The following GABRB1 variants were observed in gnomAD, a reference collection of about 807,000 sequenced individuals.
GABRB1 encodes gamma-aminobutyric acid type A receptor subunit beta1, also known as gamma-aminobutyric acid receptor subunit beta-1.
Under a neutral mutation model 51.6 loss-of-function variants are expected in GABRB1, and 17 were observed. The ratio of observed to expected loss-of-function variants is 0.33; its 90% confidence interval spans 0.23 to 0.49. The LOEUF is 0.49. Ranked by LOEUF, GABRB1 falls within the 20% of genes least tolerant of loss-of-function variation. The pLI is 0.99. For synonymous variants in GABRB1, 247 were observed against 218.9 expected (o/e 1.13, Z -1.14); for missense variants, 410 against 600.6 (o/e 0.68, Z 3.32).
chr4:47,042,446 C>T (rs187066087), intron 3 of GABRB1, among the ~76,000 whole-genome samples: 2,412 of 101,514 alleles, frequency 0.024, 81 homozygotes, highest in African/African-American at 0.076. Flanking sequence ...ATATAAAATA[C>T]GTGTGTGAGT....
At chr4:47,012,427 T>C (rs1724609938) in intron 1 of GABRB1, among the ~76,000 whole-genome samples, 1 of 152,142 alleles carries the variant, frequency 6.6e-6, no homozygotes, top group South Asian at 2.1e-4. Context: ...TAGCTCTCAC[T>C]TATAAGTGAG....
At chr4:47,399,327 T>A (rs1362346524) in intron 5 of GABRB1, among the ~76,000 whole-genome samples, 1 of 152,220 alleles carries the variant, frequency 6.6e-6, no homozygotes, top group African/African-American at 2.4e-5. Flanking sequence ...TATGTTCTGC[T>A]TACTTTATGA....
intron 4 of GABRB1, among the ~76,000 whole-genome samples, chr4:47,176,906 A>G (rs1473796957): frequency 6.6e-6 from 1 of 152,146 alleles, no homozygotes; most frequent in Non-Finnish European, 1.5e-5. Flanking sequence ...GTCACATTTC[A>G]TTCCTTCTAA....
At chr4:47,282,923 T>C (rs534273993) in intron 4 of GABRB1, among the ~76,000 whole-genome samples, 6 of 152,286 alleles carry the variant, frequency 3.9e-5, no homozygotes, top group African/African-American at 1.2e-4. Flanking sequence ...CCTCTGATTA[T>C]AGAAGGCTGT....
chr4:47,416,431 T>A (rs1728920323), intron 8 of GABRB1, among the ~76,000 whole-genome samples: 1 of 151,648 alleles, frequency 6.6e-6, no homozygotes, highest in Non-Finnish European at 1.5e-5. Flanking sequence ...ACAGAAGATA[T>A]AAATAGACAT....
At chr4:47,041,493 T>G (rs1182471778) in intron 3 of GABRB1, among the ~76,000 whole-genome samples, 1 of 152,088 alleles carries the variant, frequency 6.6e-6, no homozygotes, top group Non-Finnish European at 1.5e-5. Flanking sequence ...ATGAAAGGTC[T>G]TCAGATATAT....
intron 5 of GABRB1, among the ~76,000 whole-genome samples, chr4:47,343,877 A>C (rs1725992939): frequency 1.3e-5 from 2 of 152,216 alleles, no homozygotes; most frequent in African/African-American, 4.8e-5. Flanking sequence ...AGAAACTCAG[A>C]AACTTTTAGT....
intron 3 of GABRB1, among the ~76,000 whole-genome samples, chr4:47,065,734 C>A (rs1190022887): frequency 6.6e-6 from 1 of 152,026 alleles, no homozygotes; most frequent in Admixed American, 6.6e-5. Context: ...GTTTTCATGT[C>A]CTTAAGGCTA....
At chr4:47,312,610 AAT>A (rs1229734442) in intron 4 of GABRB1, among the ~76,000 whole-genome samples, 2 of 152,172 alleles carry the variant, frequency 1.3e-5, no homozygotes, top group East Asian at 3.8e-4. Context: ...CAATTTCACC[AAT>A]ATTAGGAGTA....
intron 4 of GABRB1, among the ~76,000 whole-genome samples, chr4:47,205,612 T>C (rs1320460449): frequency 6.6e-6 from 1 of 152,170 alleles, no homozygotes; most frequent in Non-Finnish European, 1.5e-5. Context: ...TCTCAGATTT[T>C]GGTATTGCAT....
chr4:47,268,340 A>G (rs1722722254), intron 4 of GABRB1, among the ~76,000 whole-genome samples: 1 of 152,206 alleles, frequency 6.6e-6, no homozygotes, highest in African/African-American at 2.4e-5. Context: ...ACATTGCAAA[A>G]GAAGAATGTT....
In GABRB1 at chr4:47,113,358, C is replaced by G. The variant is rs546072534; in HGVS notation, c.241-47891C>G. On this transcript the variant is annotated intron_variant, in intron 3 of 8. Coordinates refer to ENST00000295454, the MANE Select transcript of GABRB1 (RefSeq NM_000812.4). ...CTGGGATCGTGCCACTGCACTCCAGCCTGGGTGACAGAGTGAGACTTCGTC... is the reference window on the plus strand; with the variant it reads ...CTGGGATCGTGCCACTGCACTCCAGGCTGGGTGACAGAGTGAGACTTCGTC... 8.1e-5 allele frequency among the ~76,000 whole-genome samples: 12 copies of G among 147,568 alleles called. No individual in the cohort carries two copies. In the East Asian group the frequency reaches 2.4e-3, roughly 29 times the overall value.
At position 46,996,431 on chromosome 4, in the gene GABRB1, T is replaced by C. The variant is rs1043461842; in HGVS notation, c.-20+2505T>C. 2.6e-5 allele frequency among the ~76,000 whole-genome samples: 4 copies of C among 152,236 alleles called. No homozygotes were observed. The East Asian group carries it at 7.7e-4, about 29-fold the overall frequency. On this transcript the variant is annotated intron_variant, in intron 1 of 3. Transcript: ENST00000513567. ...ATGCAAATAATACAGATAACCCAAC[T>C]GCTAACGTCTTAGGATGGACACTTT...
chr4:47,178,320 AG>A (rs940551450), intron 4 of GABRB1, among the ~76,000 whole-genome samples: 4 of 152,086 alleles, frequency 2.6e-5, no homozygotes, highest in Admixed American at 1.3e-4. Context: ...CTTCCTGAGG[AG>A]GTTCTGCTAC....
chr4:47,040,606 T>A (rs900603493), intron 3 of GABRB1, among the ~76,000 whole-genome samples: 2 of 151,966 alleles, frequency 1.3e-5, no homozygotes, highest in South Asian at 2.1e-4. Context: ...GGAAAAAAAA[T>A]TAGAGTATAT....
At chr4:47,067,130 C>CT (rs35751528) in intron 3 of GABRB1, among the ~76,000 whole-genome samples, 4 of 151,982 alleles carry the variant, frequency 2.6e-5, no homozygotes, top group East Asian at 1.9e-4. Context: ...TGAAAGGATT[C>CT]TTTTTTTTCT....
chr4:47,396,896 T>C (rs532707338), intron 5 of GABRB1, among the ~76,000 whole-genome samples: 1 of 152,332 alleles, frequency 6.6e-6, no homozygotes. Flanking sequence ...ACAGTTTTAA[T>C]TTTAATTTGA....
intron 3 of GABRB1, among the ~76,000 whole-genome samples, chr4:47,087,687 C>T (rs965466788): frequency 9.9e-5 from 15 of 151,950 alleles, no homozygotes; most frequent in Admixed American, 6.6e-4. Context: ...TTTGAAAAAA[C>T]ATTTTAGAAG....
intron 5 of GABRB1, among the ~76,000 whole-genome samples, chr4:47,350,290 G>C (rs1270340671): frequency 2.7e-5 from 4 of 146,704 alleles, no homozygotes; most frequent in Non-Finnish European, 6.0e-5. Context: ...TATATATAGA[G>C]AGAGAGAGAG....
Sources: gnomAD v4.1 joint callset for allele counts (sites outside exome capture counted in the v4.1 genomes callset) on GRCh38, gnomAD v4.1.1 for gene constraint, MANE v1.5 for transcripts, NCBI Gene and HGNC (gene_info 2026-07-23, HGNC 2026-07-21) for gene names.